CCBE1: variants seen among roughly 807,000 people sequenced by gnomAD.
CCBE1 encodes collagen and calcium-binding EGF domain-containing protein 1.
A neutral mutation model predicts 50.0 loss-of-function variants in CCBE1; 37 were observed. The ratio of observed to expected loss-of-function variants is 0.74; its 90% CI spans 0.57 to 0.97. CCBE1 has a LOEUF of 0.97. CCBE1 is among the 50% of genes least tolerant of loss of function. The pLI is 0.00. For missense variants in CCBE1, 538 were observed against 523.8 expected (o/e 1.03, Z -0.26); for synonymous variants, 234 against 203.7 (o/e 1.15, Z -1.27).
chr18:59,552,716 A>G (rs561654539), intron 2 of CCBE1, among the ~76,000 whole-genome samples: 26 of 152,358 alleles, frequency 1.7e-4, no homozygotes, highest in African/African-American at 6.0e-4. Context: ...TCATAATGTG[A>G]AGAGGCAGCT....
At chr18:59,687,285 C>T (rs759718101) in intron 2 of CCBE1, among the ~76,000 whole-genome samples, 1 of 152,200 alleles carries the variant, frequency 6.6e-6, no homozygotes, top group African/African-American at 2.4e-5. Flanking sequence ...TCTATCTATG[C>T]ACCTTTCTAA....
intron 5 of CCBE1, among the ~76,000 whole-genome samples, chr18:59,458,609 C>G (rs945593814): frequency 1.3e-5 from 2 of 152,178 alleles, no homozygotes; most frequent in East Asian, 3.9e-4. Context: ...CAGAGAGAGA[C>G]AGTAACTTGC....
At chr18:59,565,129 C>T (rs923782283) in intron 2 of CCBE1, among the ~76,000 whole-genome samples, 5 of 152,020 alleles carry the variant, frequency 3.3e-5, no homozygotes, top group African/African-American at 9.7e-5. Flanking sequence ...CAGGGGAGCA[C>T]GAGGAGTCCA....
chr18:59,523,843 T>C (rs987489586), intron 2 of CCBE1, among the ~76,000 whole-genome samples: 1 of 152,166 alleles, frequency 6.6e-6, no homozygotes, highest in African/African-American at 2.4e-5. Flanking sequence ...TGTCACATGT[T>C]TGTGCAGCAC....
intron 2 of CCBE1, among the ~76,000 whole-genome samples, chr18:59,599,452 C>T (rs946565942): frequency 1.3e-5 from 2 of 152,136 alleles, no homozygotes; most frequent in South Asian, 4.2e-4. Flanking sequence ...TATATGAAGA[C>T]TAAAATGGAA....
chr18:59,439,255 C>T (rs1371712122), intron 9 of CCBE1, among the ~76,000 whole-genome samples: 1 of 151,784 alleles, frequency 6.6e-6, no homozygotes, highest in Non-Finnish European at 1.5e-5. Flanking sequence ...CCACTGCACT[C>T]CAGCCTGGGT....
At chr18:59,488,008 C>T (rs1912904687) in intron 2 of CCBE1, among the ~76,000 whole-genome samples, 1 of 152,184 alleles carries the variant, frequency 6.6e-6, no homozygotes, top group Admixed American at 6.5e-5. Context: ...TGTAGTTCAG[C>T]CTTAAAAAGG....
chr18:59,660,360 A>G (rs769316614), intron 2 of CCBE1, among the ~76,000 whole-genome samples: 3 of 152,132 alleles, frequency 2.0e-5, no homozygotes, highest in Non-Finnish European at 4.4e-5. Context: ...TCCTTATAGC[A>G]TCCCAATCTT....
At chr18:59,688,693 C>A (rs2054690442) in intron 2 of CCBE1, among the ~76,000 whole-genome samples, 2 of 152,192 alleles carry the variant, frequency 1.3e-5, no homozygotes, top group Admixed American at 1.3e-4. Flanking sequence ...GCAGATTATG[C>A]TCATTTCGAG....
intron 2 of CCBE1, among the ~76,000 whole-genome samples, chr18:59,646,186 C>T (rs1403105417): frequency 6.6e-6 from 1 of 152,164 alleles, no homozygotes; most frequent in Non-Finnish European, 1.5e-5. Flanking sequence ...GCATGTGAGT[C>T]CACTGGTGTT....
At chr18:59,449,810 G>A (rs984142841) in intron 6 of CCBE1, among the ~76,000 whole-genome samples, 1 of 152,054 alleles carries the variant, frequency 6.6e-6, no homozygotes, top group African/African-American at 2.4e-5. Context: ...GCACACAGAT[G>A]GGCTCCAGAG....
chr18:59,445,325 A>G (rs1910621576), intron 7 of CCBE1, among the ~76,000 whole-genome samples: 1 of 152,202 alleles, frequency 6.6e-6, no homozygotes, highest in Admixed American at 6.5e-5. Context: ...TGTCTTATTT[A>G]TTAGCATATC....
rs113873070 is a variant in CCBE1 at position 59,473,269 on chromosome 18, T to C, written c.266-3662A>G. Among the ~76,000 whole-genome samples, 645 of 152,316 alleles carry C rather than the reference T, an allele frequency of 4.2e-3. 2 individuals carry two copies. Among genetic ancestry groups the C allele is most frequent in the Non-Finnish European group, 7.5e-3 (511 of 68,030 alleles). On this transcript the variant is annotated intron_variant, in intron 3 of 10. Coordinates refer to ENST00000439986, the MANE Select transcript of CCBE1 (RefSeq NM_133459.4). ...TATATAATTCTAGGTTGGAAAACTT[T>C]GCCTCAGAATTTTGAAGGCATTGTT...
At chr18:59,555,944 C>T (rs1036145927) in intron 2 of CCBE1, among the ~76,000 whole-genome samples, 16 of 152,138 alleles carry the variant, frequency 1.1e-4, no homozygotes, top group Admixed American at 7.2e-4. Context: ...CAGAAAGTGC[C>T]GGAGGGAAGC....
intron 2 of CCBE1, among the ~76,000 whole-genome samples, chr18:59,501,873 C>T (rs549163058): frequency 1.4e-4 from 21 of 152,276 alleles, no homozygotes; most frequent in African/African-American, 4.3e-4. Flanking sequence ...GTGGTACAAT[C>T]GTAGCTTAAT....
At chr18:59,566,024 G>A (rs2052820311) in intron 2 of CCBE1, among the ~76,000 whole-genome samples, 1 of 152,124 alleles carries the variant, frequency 6.6e-6, no homozygotes, top group African/African-American at 2.4e-5. Context: ...CACTGCAGTA[G>A]GCTCTATTAT....
rs150147255 is a variant in CCBE1 at position 59,671,017 on chromosome 18, C to T, written c.212+25612G>A. On this transcript the variant is annotated intron_variant, in intron 2 of 10. Transcript: ENST00000439986. ...TTTTAGAAGTTCATCAAAATCTAAA[C>T]CCATGATTGACGTTCAAAGCTATGC... Among the ~76,000 whole-genome samples the T allele has an allele frequency of 6.5e-3, 993 of 152,316 alleles. 7 individuals carry two copies. The highest frequency in any genetic ancestry group is 0.031 in the Middle Eastern group (9 of 294).
chr18:59,621,164 T>C (rs2053705295), intron 2 of CCBE1, among the ~76,000 whole-genome samples: 1 of 151,998 alleles, frequency 6.6e-6, no homozygotes, highest in Admixed American at 6.6e-5. Flanking sequence ...TTCCAGGAAA[T>C]GATGTATCAC....
chr18:59,568,868 T>A (rs2052866849), intron 2 of CCBE1, among the ~76,000 whole-genome samples: 1 of 152,204 alleles, frequency 6.6e-6, no homozygotes, highest in African/African-American at 2.4e-5. Flanking sequence ...GATTCACACG[T>A]AAAGGACATG....
Sources: allele counts gnomAD v4.1 joint callset (sites outside exome capture counted in the v4.1 genomes callset), GRCh38; gene constraint gnomAD v4.1.1; transcripts MANE v1.5; gene names NCBI Gene and HGNC (gene_info 2026-07-23, HGNC 2026-07-21).